The following ZDHHC14 variants were observed in gnomAD, a reference collection of about 807,000 sequenced individuals.
The protein encoded by ZDHHC14 is palmitoyltransferase ZDHHC14.
ZDHHC14 carries 16 observed loss-of-function variants against 47.7 expected under a neutral mutation model. The observed-to-expected ratio is 0.34, with a 90% confidence interval of 0.23 to 0.51. ZDHHC14 has a LOEUF of 0.51. Ranked by LOEUF, ZDHHC14 falls within the 20% of genes least tolerant of loss-of-function variation. The pLI, the probability that ZDHHC14 is intolerant of heterozygous loss-of-function variation, is 0.97. For synonymous variants in ZDHHC14, 293 were observed against 278.9 expected (o/e 1.05, Z -0.50); for missense variants, 515 against 662.5 (o/e 0.78, Z 2.44).
intron 2 of ZDHHC14, among the ~76,000 whole-genome samples, chr6:157,591,929 A>G (rs1783925777): frequency 6.6e-6 from 1 of 152,182 alleles, no homozygotes; most frequent in African/African-American, 2.4e-5. Flanking sequence ...TGTCAGCCAC[A>G]GAGTCTCAGC....
At chr6:157,503,461 T>G (rs1232414117) in intron 1 of ZDHHC14, among the ~76,000 whole-genome samples, 1 of 152,214 alleles carries the variant, frequency 6.6e-6, no homozygotes, top group Non-Finnish European at 1.5e-5. Flanking sequence ...CATGCCCTCA[T>G]TTTGAGCTGA....
intron 8 of ZDHHC14, among the ~76,000 whole-genome samples, chr6:157,670,052 A>G (rs1583104515): frequency 1.3e-5 from 2 of 152,192 alleles, no homozygotes; most frequent in Non-Finnish European, 2.9e-5. Context: ...CCATGTCCTG[A>G]GCAGAGCTGA....
intron 8 of ZDHHC14, among the ~76,000 whole-genome samples, chr6:157,663,274 C>T (rs1323001225): frequency 6.6e-6 from 1 of 152,226 alleles, no homozygotes; most frequent in Non-Finnish European, 1.5e-5. Flanking sequence ...CCACAGGTCA[C>T]ATCTAGGACC....
intron 1 of ZDHHC14, among the ~76,000 whole-genome samples, chr6:157,409,751 G>T (rs1777835655): frequency 1.3e-5 from 2 of 151,990 alleles, no homozygotes; most frequent in African/African-American, 2.4e-5. Context: ...TTTCCGAGTG[G>T]TTTCCCATCT....
intron 2 of ZDHHC14, among the ~76,000 whole-genome samples, chr6:157,554,784 T>C (rs112412817): frequency 6.6e-6 from 1 of 152,228 alleles, no homozygotes; most frequent in African/African-American, 2.4e-5. Context: ...ATCACCACTG[T>C]GATGGTGGTG....
intron 2 of ZDHHC14, among the ~76,000 whole-genome samples, chr6:157,577,571 CAG>C (rs1783353362): frequency 6.6e-6 from 1 of 152,160 alleles, no homozygotes; most frequent in Non-Finnish European, 1.5e-5. Context: ...GTTTTTGAGA[CAG>C]AGTTTCACTC....
At chr6:157,396,336 A>T (rs1485639937) in intron 1 of ZDHHC14, among the ~76,000 whole-genome samples, 1 of 152,158 alleles carries the variant, frequency 6.6e-6, no homozygotes, top group Non-Finnish European at 1.5e-5. Context: ...CCTCAGATTT[A>T]TATAATCAAA....
intron 3 of ZDHHC14, among the ~76,000 whole-genome samples, chr6:157,619,807 A>G (rs1210574394): frequency 1.3e-5 from 2 of 152,166 alleles, no homozygotes; most frequent in Non-Finnish European, 2.9e-5. Flanking sequence ...TCATGCAGAT[A>G]CTAATAAAAC....
chr6:157,606,775 T>C lies in ZDHHC14; in HGVS notation c.565+13629T>C, dbSNP rs961631092. ...AGGGTTTGTTTAGAGCAGGGATTCC[T>C]GACCTGGGTGACATGAATGGAATTC... On this transcript the variant is annotated intron_variant, in intron 3 of 8. Transcript: ENST00000359775. 2.1e-4 allele frequency among the ~76,000 whole-genome samples: 32 copies of C among 152,234 alleles called. 1 individual carries two copies. Among genetic ancestry groups the C allele is most frequent in the African/African-American group, 7.2e-4 (30 of 41,450 alleles).
chr6:157,423,700 A>G (rs987200508), intron 1 of ZDHHC14, among the ~76,000 whole-genome samples: 2 of 152,192 alleles, frequency 1.3e-5, no homozygotes, highest in Non-Finnish European at 2.9e-5. Flanking sequence ...TCTGTTTTGT[A>G]AGCAAGGAGA....
intron 3 of ZDHHC14, among the ~76,000 whole-genome samples, chr6:157,624,119 T>C (rs186491499): frequency 1.3e-3 from 194 of 152,244 alleles, no homozygotes; most frequent in Non-Finnish European, 7.1e-4. Context: ...GAGAGCAATG[T>C]CATGTGTTGG....
chr6:157,522,983 T>TCCTTCC (rs1562461110), intron 1 of ZDHHC14, among the ~76,000 whole-genome samples: 41 of 34,982 alleles, frequency 1.2e-3, no homozygotes, highest in African/African-American at 7.7e-3. Flanking sequence ...TTCTTTTCTT[T>TCCTTCC]TTCTTTTCTT....
chr6:157,462,619 T>G (rs1779116988), intron 1 of ZDHHC14, among the ~76,000 whole-genome samples: 1 of 152,238 alleles, frequency 6.6e-6, no homozygotes, highest in Non-Finnish European at 1.5e-5. Context: ...AGAACCTCTT[T>G]GGAGGAGAAT....
At chr6:157,488,329 C>T (rs1462284237) in intron 1 of ZDHHC14, among the ~76,000 whole-genome samples, 1 of 152,198 alleles carries the variant, frequency 6.6e-6, no homozygotes, top group Non-Finnish European at 1.5e-5. Flanking sequence ...CCGGGTTTCT[C>T]CCCGACTTGA....
chr6:157,471,227 A>C (rs936216223), intron 1 of ZDHHC14, among the ~76,000 whole-genome samples: 1 of 152,224 alleles, frequency 6.6e-6, no homozygotes, highest in East Asian at 1.9e-4. Flanking sequence ...AGGAATCTGC[A>C]CTGTGATGCT....
At chr6:157,393,760 C>T (rs183426403) in intron 1 of ZDHHC14, among the ~76,000 whole-genome samples, 1 of 152,238 alleles carries the variant, frequency 6.6e-6, no homozygotes, top group Non-Finnish European at 1.5e-5. Context: ...CTAGGATGTT[C>T]CTCTCCCACT....
chr6:157,577,786 G>C lies in ZDHHC14; in HGVS notation c.407-15202G>C, dbSNP rs1320691100. Among the ~76,000 whole-genome samples the C allele has an allele frequency of 3.3e-5, 5 of 152,202 alleles. No homozygotes were observed. In the East Asian group the frequency reaches 9.6e-4, roughly 29 times the overall value. ...GATGGTCTCAAACTCCTGAACCTCAGCTGATCTGCCTGCCTTGGCCTCCCA... is the reference window on the plus strand; with the variant it reads ...GATGGTCTCAAACTCCTGAACCTCACCTGATCTGCCTGCCTTGGCCTCCCA... On this transcript the variant is annotated intron_variant, in intron 2 of 8. Transcript: ENST00000359775.
intron 1 of ZDHHC14, among the ~76,000 whole-genome samples, chr6:157,493,423 A>G (rs561334929): frequency 2.0e-5 from 3 of 152,358 alleles, no homozygotes; most frequent in African/African-American, 7.2e-5. Context: ...GAGGCCGGAC[A>G]CACAGAGGGA....
rs1178572923 is a variant in ZDHHC14 at position 157,673,736 on chromosome 6, T to C, written c.*614T>C. ...TGGACAGTGTCATCACTCAGCTTACTGGGCTGAGGCGTCTGTGGAGAGGTG... is the reference window on the plus strand; with the variant it reads ...TGGACAGTGTCATCACTCAGCTTACCGGGCTGAGGCGTCTGTGGAGAGGTG... On this transcript the variant is annotated 3_prime_UTR_variant, in exon 9 of 9. Coordinates refer to ENST00000359775, the MANE Select transcript of ZDHHC14 (RefSeq NM_024630.3). This position sits in a 1 kb window ranked among gnomAD's most constrained non-coding sequence, Gnocchi z 5.4. The C allele has an allele frequency of 2.0e-5, 3 of 152,708 alleles. No individual in the cohort carries two copies. Among genetic ancestry groups the C allele is most frequent in the Non-Finnish European group, 4.4e-5 (3 of 68,058 alleles). 9.5% of individuals were successfully genotyped at this position (152,708 alleles called of 1,614,324 possible).
Sources: allele counts gnomAD v4.1 joint callset (sites outside exome capture counted in the v4.1 genomes callset), GRCh38; gene constraint gnomAD v4.1.1; non-coding constraint Gnocchi (gnomAD v3.1); transcripts MANE v1.5; gene names NCBI Gene and HGNC (gene_info 2026-07-23, HGNC 2026-07-21).